Variants in AGAP1 observed in about 807,000 individuals in gnomAD.
AGAP1 encodes the protein ArfGAP with GTPase domain, ankyrin repeat and PH domain 1.
In AGAP1, 29 loss-of-function variants were observed where a neutral mutation model predicts 105.3. The ratio of observed to expected loss-of-function variants is 0.28; its 90% CI spans 0.21 to 0.38. The LOEUF is 0.38. AGAP1 is among the 10% of genes least tolerant of loss of function. AGAP1 has a pLI of 1.00. For missense variants in AGAP1, 998 were observed against 1,165.1 expected (o/e 0.86, Z 2.09); for synonymous variants, 509 against 485.9 (o/e 1.05, Z -0.63).
At chr2:236,084,417 G>A (rs1239114633) in intron 16 of AGAP1, among the ~76,000 whole-genome samples, 1 of 152,170 alleles carries the variant, frequency 6.6e-6, no homozygotes, top group Admixed American at 6.5e-5. Flanking sequence ...TGGAAGTGTG[G>A]GAGATTGTTG....
At chr2:235,696,963 A>G (rs1006733597) in intron 1 of AGAP1, among the ~76,000 whole-genome samples, 5 of 151,884 alleles carry the variant, frequency 3.3e-5, no homozygotes. Context: ...CAGCCTGGCG[A>G]CAGAGCCTGG....
chr2:235,494,060 G>A lies in AGAP1; in HGVS notation c.-627G>A, dbSNP rs929392462. Reference sequence around the variant, plus strand: ...CGTGGGCCGGAGCCCTGCGTGCCAGGGAGGGGGCCGGCCGGGCAGGCGGCG... The same window carrying A: ...CGTGGGCCGGAGCCCTGCGTGCCAGAGAGGGGGCCGGCCGGGCAGGCGGCG... On this transcript the variant is annotated 5_prime_UTR_variant, in exon 1 of 18. Transcript: ENST00000304032. 6.8e-6 allele frequency: 1 copy of A among 146,514 alleles called. No homozygotes were observed. The highest frequency in any genetic ancestry group is 1.5e-5 in the Non-Finnish European group (1 of 65,610). The allele number at this position is 146,514 out of a possible 1,614,324, so 9.1% of individuals were successfully genotyped here.
chr2:235,536,142 TACACAC>T (rs58090095), intron 1 of AGAP1, among the ~76,000 whole-genome samples: 234 of 16,342 alleles, frequency 0.014, 3 homozygotes, highest in African/African-American at 0.049. Context: ...TGTGGCATCC[TACACAC>T]ACACACACAC....
At position 236,036,850 on chromosome 2, in the gene AGAP1, G is replaced by T. The variant is rs181170713; in HGVS notation, c.1800+135G>T. ...CCTAGCTATTCTTTATGAGCAGAAA[G>T]CTCAATAACTAAAACGATCAGAAGC... On this transcript the variant is annotated intron_variant, in intron 14 of 17. Transcript: ENST00000304032. This position sits in a 1 kb window ranked among gnomAD's most constrained non-coding sequence, Gnocchi z 5.7. The T allele has an allele frequency of 2.4e-4, 322 of 1,360,024 alleles. No individual in the cohort carries two copies. Among genetic ancestry groups the T allele is most frequent in the Non-Finnish European group, 2.9e-4 (293 of 1,019,894 alleles). The allele number at this position is 1,360,024 out of a possible 1,614,324, so 84.2% of individuals were successfully genotyped here.
chr2:236,084,239 C>G (rs1330662008), intron 16 of AGAP1, among the ~76,000 whole-genome samples: 1 of 151,988 alleles, frequency 6.6e-6, no homozygotes, highest in Admixed American at 6.6e-5. Context: ...GGGGTCTCTG[C>G]GGCCACCTTA....
At chr2:236,008,109 G>T (rs1196755753) in intron 13 of AGAP1, among the ~76,000 whole-genome samples, 1 of 152,206 alleles carries the variant, frequency 6.6e-6, no homozygotes, top group Admixed American at 6.5e-5. Context: ...GTTATGGTTG[G>T]AGTGCATATA....
rs1473055883 is a variant in AGAP1, at chr2:235,690,061, G to A, written c.164-19118G>A. ...GTGACTGGGAGTTCTAAGCCCCTGGGTGTCTCTCCCTCGGGGTTTTCATGC... is the reference window on the plus strand; with the variant it reads ...GTGACTGGGAGTTCTAAGCCCCTGGATGTCTCTCCCTCGGGGTTTTCATGC... On this transcript the variant is annotated intron_variant, in intron 1 of 17. Coordinates refer to ENST00000304032, the MANE Select transcript of AGAP1 (RefSeq NM_001037131.3). This position sits in a 1 kb window ranked among gnomAD's most constrained non-coding sequence, Gnocchi z 4.1. Among the ~76,000 whole-genome samples the A allele has an allele frequency of 6.6e-6, 1 of 152,116 alleles. No homozygotes were observed. Among genetic ancestry groups the A allele is most frequent in the Non-Finnish European group, 1.5e-5 (1 of 68,016 alleles).
chr2:236,017,094 G>A (rs780987097), intron 13 of AGAP1, among the ~76,000 whole-genome samples: 12 of 151,722 alleles, frequency 7.9e-5, no homozygotes, highest in Non-Finnish European at 1.5e-4. Flanking sequence ...TTTGAGACCA[G>A]CCTGGCCAAC....
intron 16 of AGAP1, among the ~76,000 whole-genome samples, chr2:236,071,886 A>T (rs2058505589): frequency 6.6e-6 from 1 of 152,136 alleles, no homozygotes; most frequent in Admixed American, 6.5e-5. Context: ...TGGCACACAG[A>T]GTCGTAATTT....
chr2:235,995,083 A>C (rs1348093601), intron 13 of AGAP1, among the ~76,000 whole-genome samples: 1 of 149,788 alleles, frequency 6.7e-6, no homozygotes, highest in Non-Finnish European at 1.5e-5. Flanking sequence ...AAAAAAAAAA[A>C]AAAAAAAAAA....
intron 6 of AGAP1, among the ~76,000 whole-genome samples, chr2:235,757,427 G>A (rs570906099): frequency 9.7e-4 from 147 of 152,328 alleles, no homozygotes; most frequent in African/African-American, 2.8e-3. Context: ...CAGCCTTGTG[G>A]CTTATTAGGG....
intron 1 of AGAP1, among the ~76,000 whole-genome samples, chr2:235,498,261 G>GT (rs1941407159): frequency 2.6e-5 from 4 of 152,328 alleles, no homozygotes; most frequent in Admixed American, 1.3e-4. Context: ...GAAGAGAACA[G>GT]TTTTTTTCCC....
At chr2:235,671,031 A>C in intron 1 of AGAP1, 1 of 1,296,850 alleles carries the variant, frequency 7.7e-7, no homozygotes, top group Non-Finnish European at 9.7e-7. Flanking sequence ...TCCAGCGCCG[A>C]GAGCATCGAC....
Position 235,611,266 on chromosome 2 carries a change from G to A in AGAP1, c.164-97913G>A, listed in dbSNP as rs1254653232. 6.6e-6 allele frequency among the ~76,000 whole-genome samples: 1 copy of A among 152,206 alleles called. No individual in the cohort carries two copies. The highest frequency in any genetic ancestry group is 2.1e-4 in the South Asian group (1 of 4,830). ...GTGGTCTTGGTTTGACTCCCTTGTG[G>A]CCCACACAACACTTTCGTTGGAGAT... On this transcript the variant is annotated intron_variant, in intron 1 of 17. Transcript: ENST00000304032. This position sits in a 1 kb window ranked among gnomAD's most constrained non-coding sequence, Gnocchi z 5.0.
At chr2:235,911,548 C>A (rs1203661651) in intron 11 of AGAP1, among the ~76,000 whole-genome samples, 2 of 152,230 alleles carry the variant, frequency 1.3e-5, no homozygotes, top group African/African-American at 4.8e-5. Flanking sequence ...GAGCCAAATG[C>A]CACTGTTGTC....
At chr2:235,532,913 G>C (rs1044880799) in intron 1 of AGAP1, among the ~76,000 whole-genome samples, 3 of 152,122 alleles carry the variant, frequency 2.0e-5, no homozygotes, top group African/African-American at 4.8e-5. Context: ...TGCTGCTTTT[G>C]TATGTTGGCA....
Position 235,864,888 on chromosome 2 carries a change from G to A in AGAP1, c.1051-18457G>A, listed in dbSNP as rs1288334618. Among the ~76,000 whole-genome samples, 3 of 152,036 alleles carry A rather than the reference G, an allele frequency of 2.0e-5. No individual in the cohort carries two copies. Among genetic ancestry groups the A allele is most frequent in the Admixed American group, 2.0e-4 (3 of 15,280 alleles). ...ATTCCTTTGATTAGCATTTGGTTCT[G>A]GTTGGGACTTAATAATGCTAGCCAG... On this transcript the variant is annotated intron_variant, in intron 9 of 17. Coordinates refer to ENST00000304032, the MANE Select transcript of AGAP1 (RefSeq NM_001037131.3). This position sits in a 1 kb window ranked among gnomAD's most constrained non-coding sequence, Gnocchi z 5.0.
In AGAP1 at chr2:235,714,757, A is replaced by G. The variant is rs1317868658; in HGVS notation, c.223-2800A>G. On this transcript the variant is annotated intron_variant, in intron 2 of 17. Transcript: ENST00000304032. This position sits in a 1 kb window ranked among gnomAD's most constrained non-coding sequence, Gnocchi z 4.1. The stretch of plus-strand genomic sequence containing the variant: ...AACCTTTTTTCCACACTGTCATGCC[A>G]AATTTGTTCTCTTATATGTTTGTTT... Among the ~76,000 whole-genome samples, 3 of 152,140 alleles carry G rather than the reference A, an allele frequency of 2.0e-5. No individual in the cohort carries two copies. The highest frequency in any genetic ancestry group is 7.2e-5 in the African/African-American group (3 of 41,514).
intron 1 of AGAP1, among the ~76,000 whole-genome samples, chr2:235,656,437 A>T (rs962038145): frequency 1.3e-5 from 2 of 152,178 alleles, no homozygotes; most frequent in African/African-American, 4.8e-5. Context: ...CTCATAAAGC[A>T]ACATTTTTCG....
Sources: gnomAD v4.1 joint callset for allele counts (sites outside exome capture counted in the v4.1 genomes callset) on GRCh38, gnomAD v4.1.1 for gene constraint, Gnocchi (gnomAD v3.1) non-coding constraint, MANE v1.5 for transcripts, NCBI Gene and HGNC (gene_info 2026-07-23, HGNC 2026-07-21) for gene names.